The following STOX2 variants were observed in gnomAD, a reference collection of about 807,000 sequenced individuals.
STOX2 encodes the protein storkhead box 2.
A neutral mutation model predicts 60.9 loss-of-function variants in STOX2; 28 were observed. The observed-to-expected ratio is 0.46, with a 90% confidence interval of 0.34 to 0.63. The LOEUF is 0.63. STOX2 is among the 30% of genes least tolerant of loss of function. STOX2 has a pLI of 0.01. For missense variants in STOX2, 1,024 were observed against 1,187.7 expected (o/e 0.86, Z 2.03); for synonymous variants, 472 against 463.9 (o/e 1.02, Z -0.22).
At chr4:183,801,488 A>C (rs1738761586) in intron 1 of STOX2, among the ~76,000 whole-genome samples, 2 of 152,340 alleles carry the variant, frequency 1.3e-5, no homozygotes, top group East Asian at 3.9e-4. Context: ...ATTCTGACAT[A>C]AGAAATTGAG....
At chr4:183,862,837 G>T (rs1447141178) in intron 1 of STOX2, among the ~76,000 whole-genome samples, 1 of 152,198 alleles carries the variant, frequency 6.6e-6, no homozygotes, top group Non-Finnish European at 1.5e-5. Flanking sequence ...TGGACAGTGT[G>T]GTTTCCTTGT....
chr4:183,839,561 G>A (rs1426557296), intron 1 of STOX2, among the ~76,000 whole-genome samples: 1 of 152,156 alleles, frequency 6.6e-6, no homozygotes, highest in Non-Finnish European at 1.5e-5. Context: ...AACCTGAGGG[G>A]ATTTCTCCAT....
intron 1 of STOX2, among the ~76,000 whole-genome samples, chr4:183,883,049 A>T (rs971777140): frequency 5.9e-5 from 9 of 152,200 alleles, no homozygotes; most frequent in Non-Finnish European, 1.3e-4. Flanking sequence ...TAAAATACAC[A>T]AAAGTAGAGA....
chr4:183,928,219 G>T (rs1348018214), intron 1 of STOX2, among the ~76,000 whole-genome samples: 8 of 4,678 alleles, frequency 1.7e-3, no homozygotes, highest in Non-Finnish European at 0.015. Flanking sequence ...GGGAGCCCTC[G>T]GGGGGGGGCA....
chr4:183,860,903 C>T (rs187377271), intron 1 of STOX2, among the ~76,000 whole-genome samples: 29 of 152,338 alleles, frequency 1.9e-4, no homozygotes, highest in African/African-American at 7.0e-4. Flanking sequence ...CAGTGCTCGC[C>T]TGCCAAGCAT....
intron 1 of STOX2, among the ~76,000 whole-genome samples, chr4:183,979,156 T>A (rs1187361254): frequency 6.6e-6 from 1 of 152,010 alleles, no homozygotes; most frequent in Non-Finnish European, 1.5e-5. Context: ...TCAGGGAACT[T>A]ACAGTCATGG....
chr4:183,848,783 C>G (rs1371365589), intron 1 of STOX2, among the ~76,000 whole-genome samples: 1 of 152,158 alleles, frequency 6.6e-6, no homozygotes, highest in African/African-American at 2.4e-5. Flanking sequence ...AACTTACAGA[C>G]AGTCATGTAA....
Position 183,821,588 on chromosome 4 carries a change from T to C in STOX2, c.364+23533T>C, listed in dbSNP as rs192920959. On this transcript the variant is annotated intron_variant, in intron 1 of 2. Transcript: ENST00000513034. The surrounding 1 kb of genome is among the most constrained non-coding windows in gnomAD (Gnocchi z 4.2). ...TCCTTTGTTCTGATGTCACTGGGGT[T>C]GGGCCTGAGGCCTCTTTGGGAGGCT... 1.8e-4 allele frequency among the ~76,000 whole-genome samples: 27 copies of C among 152,372 alleles called. No individual in the cohort carries two copies. In the East Asian group the frequency reaches 5.2e-3, roughly 29 times the overall value.
At chr4:183,818,839 C>G (rs1393358286) in intron 1 of STOX2, among the ~76,000 whole-genome samples, 1 of 151,388 alleles carries the variant, frequency 6.6e-6, no homozygotes, top group Admixed American at 6.6e-5. Context: ...GGGGTCGCGA[C>G]CGGGCAGAGG....
intron 2 of STOX2, among the ~76,000 whole-genome samples, chr4:184,006,882 G>A (rs1354869561): frequency 3.1e-4 from 46 of 149,232 alleles, no homozygotes; most frequent in Middle Eastern, 3.5e-3. Flanking sequence ...TGGGCGTAGT[G>A]GCGGGCGCCT....
rs540656135 is a variant in STOX2 at position 183,891,874 on chromosome 4, G to A, written c.364+93819G>A. 6.6e-5 allele frequency among the ~76,000 whole-genome samples: 10 copies of A among 152,290 alleles called. 1 individual carries two copies. In the South Asian group the frequency reaches 2.1e-3, roughly 32 times the overall value. On this transcript the variant is annotated intron_variant, in intron 1 of 2. Coordinates refer to the STOX2 transcript ENST00000513034. Reference sequence around the variant, plus strand: ...GGTATAGTGTATTAGTTTAGAAATAGCTAATATTTACTGAGCATTAATGAA... The same window carrying A: ...GGTATAGTGTATTAGTTTAGAAATAACTAATATTTACTGAGCATTAATGAA...
intron 1 of STOX2, among the ~76,000 whole-genome samples, chr4:183,953,277 G>A (rs1743147420): frequency 6.6e-6 from 1 of 152,136 alleles, no homozygotes; most frequent in African/African-American, 2.4e-5. Flanking sequence ...GTGTTTTATG[G>A]GATTTCCTTG....
intron 1 of STOX2, among the ~76,000 whole-genome samples, chr4:183,814,340 A>G (rs1739102741): frequency 6.6e-6 from 1 of 152,256 alleles, no homozygotes; most frequent in African/African-American, 2.4e-5. Flanking sequence ...AAGATGGGAA[A>G]GAATAACAAT....
chr4:184,015,083 C>T (rs1341573113), intron 3 of STOX2: 2 of 152,144 alleles, frequency 1.3e-5, no homozygotes, highest in Non-Finnish European at 2.9e-5. Flanking sequence ...TATTAGTGTA[C>T]AGATTCTTCC....
chr4:184,003,523 T>C (rs1358754654), intron 2 of STOX2, among the ~76,000 whole-genome samples: 1 of 152,234 alleles, frequency 6.6e-6, no homozygotes, highest in Non-Finnish European at 1.5e-5. Context: ...CACTGATGAC[T>C]CATTGGTCAG....
At chr4:183,948,466 G>A (rs990479386) in intron 1 of STOX2, among the ~76,000 whole-genome samples, 4 of 118,328 alleles carry the variant, frequency 3.4e-5, no homozygotes, top group Admixed American at 9.5e-5. Context: ...ACCAGGCAGG[G>A]ATCCAGGTGC....
chr4:183,914,557 T>C (rs1490270746), intron 1 of STOX2, among the ~76,000 whole-genome samples: 2 of 152,244 alleles, frequency 1.3e-5, no homozygotes, highest in Admixed American at 1.3e-4. Context: ...CATTTTGGGC[T>C]AATGGTTTGG....
intron 1 of STOX2, among the ~76,000 whole-genome samples, chr4:183,818,331 A>T (rs921653369): frequency 6.6e-6 from 1 of 152,104 alleles, no homozygotes; most frequent in African/African-American, 2.4e-5. Context: ...GCATCTGTTT[A>T]ACAAAGCACA....
rs1272412076 is a variant in STOX2 at position 183,939,632 on chromosome 4, G to A, written c.166+32676G>A. On this transcript the variant is annotated intron_variant, in intron 1 of 3. Transcript: ENST00000308497. ...TTTTCAGAATCACTATTTATTGAGT[G>A]TTGTTTATAATGTGCTCAAGTGGTT... Among the ~76,000 whole-genome samples, 9 of 151,902 alleles carry A rather than the reference G, an allele frequency of 5.9e-5. No homozygotes were observed. In the South Asian group the frequency reaches 6.2e-4, roughly 11 times the overall value.
Sources: allele counts gnomAD v4.1 joint callset (sites outside exome capture counted in the v4.1 genomes callset), GRCh38; gene constraint gnomAD v4.1.1; non-coding constraint Gnocchi (gnomAD v3.1); transcripts MANE v1.5; gene names NCBI Gene and HGNC (gene_info 2026-07-23, HGNC 2026-07-21).